Variants in BAIAP2L1 observed in about 807,000 individuals in gnomAD.
BAIAP2L1 encodes the protein BAR/IMD domain containing adaptor protein 2 like 1, also known as BAR/IMD domain-containing adapter protein 2-like 1.
A neutral mutation model predicts 66.3 loss-of-function variants in BAIAP2L1; 35 were observed. That is an observed-to-expected ratio of 0.53 (90% CI 0.40 to 0.70). BAIAP2L1 has a LOEUF of 0.70. Among genes scored for constraint, BAIAP2L1 ranks in the 30% least tolerant of loss-of-function variants. BAIAP2L1 has a pLI of 0.00. For synonymous variants in BAIAP2L1, 269 were observed against 248.7 expected (o/e 1.08, Z -0.77); for missense variants, 622 against 656.9 (o/e 0.95, Z 0.58).
intron 3 of BAIAP2L1, among the ~76,000 whole-genome samples, chr7:98,320,900 A>T (rs1359839259): frequency 1.3e-5 from 2 of 152,168 alleles, no homozygotes; most frequent in Non-Finnish European, 2.9e-5. Flanking sequence ...TCTGTCACGC[A>T]GGCTGGAGTG....
intron 1 of BAIAP2L1, among the ~76,000 whole-genome samples, chr7:98,370,550 G>A (rs1802487826): frequency 6.6e-6 from 1 of 151,796 alleles, no homozygotes; most frequent in African/African-American, 2.4e-5. Context: ...TGTCGCCCAG[G>A]GAGTGCAGTG....
At chr7:98,399,296 A>G (rs1803293024) in intron 1 of BAIAP2L1, among the ~76,000 whole-genome samples, 1 of 152,178 alleles carries the variant, frequency 6.6e-6, no homozygotes. Context: ...GGCATAATTT[A>G]TATGTGACAG....
chr7:98,370,245 G>A (rs1802480648), intron 1 of BAIAP2L1, among the ~76,000 whole-genome samples: 1 of 151,668 alleles, frequency 6.6e-6, no homozygotes, highest in Admixed American at 6.6e-5. Context: ...CATGGTGGCG[G>A]GTGCTTGTAG....
chr7:98,364,344 A>C (rs1311626696), intron 1 of BAIAP2L1, among the ~76,000 whole-genome samples: 2 of 152,106 alleles, frequency 1.3e-5, no homozygotes, highest in Non-Finnish European at 2.9e-5. Flanking sequence ...GCTGAGGCCT[A>C]TCAGTGTTAT....
intron 5 of BAIAP2L1, among the ~76,000 whole-genome samples, chr7:98,317,713 C>T (rs118000507): frequency 2.6e-5 from 4 of 151,516 alleles, no homozygotes; most frequent in East Asian, 3.9e-4. Flanking sequence ...ACCATCACCC[C>T]GCAGTTCACA....
intron 3 of BAIAP2L1, among the ~76,000 whole-genome samples, chr7:98,351,271 C>T (rs1021387241): frequency 1.3e-5 from 2 of 152,208 alleles, no homozygotes; most frequent in African/African-American, 2.4e-5. Flanking sequence ...GCACCATGTA[C>T]ACCCAGAGCA....
chr7:98,398,880 T>A (rs186104324), intron 1 of BAIAP2L1, among the ~76,000 whole-genome samples: 4 of 152,294 alleles, frequency 2.6e-5, no homozygotes, highest in Admixed American at 2.0e-4. Context: ...CACAGGGCTG[T>A]TCTTGGAAGA....
rs1472821848 is a variant in BAIAP2L1, at chr7:98,294,120, A to C, written c.1423-9T>G. 1.2e-6 allele frequency: 2 copies of C among 1,613,750 alleles called. No homozygotes were observed. Among genetic ancestry groups the C allele is most frequent in the Non-Finnish European group, 8.5e-7 (1 of 1,179,746 alleles). ...GTCCCGTTGGCATCGTTCTGTGAGA[A>C]AGATAAAGAAGTTTATGGAGGGCTT... On this transcript the variant is annotated splice_polypyrimidine_tract_variant and intron_variant, in intron 12 of 13. Coordinates refer to ENST00000005260, the MANE Select transcript of BAIAP2L1 (RefSeq NM_018842.5).
chr7:98,399,102 G>A (rs570634905), intron 1 of BAIAP2L1, among the ~76,000 whole-genome samples: 1 of 152,266 alleles, frequency 6.6e-6, no homozygotes, highest in Non-Finnish European at 1.5e-5. Flanking sequence ...ATGCAGCAAC[G>A]TCTTCCGGGT....
intron 12 of BAIAP2L1, among the ~76,000 whole-genome samples, chr7:98,298,506 G>A (rs1195164521): frequency 2.0e-5 from 3 of 151,926 alleles, no homozygotes; most frequent in Non-Finnish European, 4.4e-5. Context: ...CCAGCTACTC[G>A]GGAGGCTGAG....
intron 1 of BAIAP2L1, among the ~76,000 whole-genome samples, chr7:98,374,613 G>A (rs1802578452): frequency 6.6e-6 from 1 of 152,010 alleles, no homozygotes; most frequent in Non-Finnish European, 1.5e-5. Flanking sequence ...AGTGATTGTA[G>A]GTGTCTCTAT....
intron 12 of BAIAP2L1, among the ~76,000 whole-genome samples, chr7:98,303,948 G>C (rs113515586): frequency 6.6e-6 from 1 of 152,242 alleles, no homozygotes; most frequent in Non-Finnish European, 1.5e-5. Context: ...AGGCGACTGT[G>C]TGTAAACTCT....
intron 3 of BAIAP2L1, among the ~76,000 whole-genome samples, chr7:98,332,067 C>G (rs560881435): frequency 6.6e-6 from 1 of 151,840 alleles, no homozygotes; most frequent in Non-Finnish European, 1.5e-5. Context: ...TCACATAGGT[C>G]GGAACTTTGG....
rs560719287 is a variant in BAIAP2L1 at position 98,394,048 on chromosome 7, C to A, written c.51+6754G>T. ...CATGAGGTCAGGAGATGGAGACCAT[C>A]CTGGCTAACACGGTGAAAACCCATC... On this transcript the variant is annotated intron_variant, in intron 1 of 13. Coordinates refer to ENST00000005260, the MANE Select transcript of BAIAP2L1 (RefSeq NM_018842.5). 5.5e-3 allele frequency among the ~76,000 whole-genome samples: 841 copies of A among 152,122 alleles called. 8 individuals carry two copies. The highest frequency in any genetic ancestry group is 0.019 in the African/African-American group (796 of 41,550).
At position 98,292,780 on chromosome 7, in the gene BAIAP2L1, G is replaced by T; in HGVS notation, c.*741C>A. 6.5e-7 allele frequency: 1 copy of T among 1,547,320 alleles called. No homozygotes were observed. Among genetic ancestry groups the T allele is most frequent in the Non-Finnish European group, 8.7e-7 (1 of 1,144,266 alleles). ...CCAACTAGCTGAGTGAGAACACAAGGAGCCGTGACTCCGACGCCCAGGCCT... is the reference window on the plus strand; with the variant it reads ...CCAACTAGCTGAGTGAGAACACAAGTAGCCGTGACTCCGACGCCCAGGCCT... On this transcript the variant is annotated 3_prime_UTR_variant, in exon 14 of 14. Transcript: ENST00000005260.
At chr7:98,320,580 C>T (rs776569204) in intron 3 of BAIAP2L1, among the ~76,000 whole-genome samples, 38 of 152,240 alleles carry the variant, frequency 2.5e-4, no homozygotes, top group Non-Finnish European at 5.1e-4. Context: ...AGGTGATCAA[C>T]TGCCTTGGCC....
intron 1 of BAIAP2L1, chr7:98,386,106 G>A: frequency 6.3e-7 from 1 of 1,588,168 alleles, no homozygotes; most frequent in East Asian, 2.2e-5. Flanking sequence ...GGATTTGGCG[G>A]ACCTGTTGGT....
chr7:98,381,804 T>G (rs1251964694), intron 1 of BAIAP2L1, among the ~76,000 whole-genome samples: 1 of 152,056 alleles, frequency 6.6e-6, no homozygotes, highest in African/African-American at 2.4e-5. Context: ...ATGGCCCCAA[T>G]ACACTGAGGT....
In BAIAP2L1 at chr7:98,336,388, C is replaced by A. The variant is rs879231645; in HGVS notation, c.215-16090G>T. On this transcript the variant is annotated intron_variant, in intron 3 of 13. Transcript: ENST00000005260. The stretch of plus-strand genomic sequence containing the variant: ...CAGCACTTTGGGAGGCCGAGACAGG[C>A]GAATCACTTGAGGTCAGGAGTTCGA... 2.6e-5 allele frequency among the ~76,000 whole-genome samples: 4 copies of A among 152,072 alleles called. No homozygotes were observed. In the South Asian group the frequency reaches 8.3e-4, roughly 32 times the overall value.
Sources: gnomAD v4.1 joint callset for allele counts (sites outside exome capture counted in the v4.1 genomes callset) on GRCh38, gnomAD v4.1.1 for gene constraint, MANE v1.5 for transcripts, NCBI Gene and HGNC (gene_info 2026-07-23, HGNC 2026-07-21) for gene names.